BACH2: variants seen among roughly 807,000 people sequenced by gnomAD.
BACH2 encodes BACH transcriptional regulator 2, also known as transcription regulator protein BACH2.
BACH2 carries 5 observed loss-of-function variants against 61.8 expected under a neutral mutation model. That is an observed-to-expected ratio of 0.08 (90% confidence interval 0.04 to 0.17). The LOEUF is 0.17. Among genes scored for constraint, BACH2 ranks in the 10% least tolerant of loss-of-function variants. BACH2 has a pLI of 1.00. For missense variants in BACH2, 824 were observed against 1,091.1 expected (o/e 0.76, Z 3.45); for synonymous variants, 446 against 440.1 (o/e 1.01, Z -0.17).
chr6:90,005,659 G>A (rs912666283), intron 6 of BACH2, among the ~76,000 whole-genome samples: 1 of 152,150 alleles, frequency 6.6e-6, no homozygotes, highest in African/African-American at 2.4e-5. Context: ...CAGAGGGGGA[G>A]GGCTCTTCAA....
chr6:90,152,271 T>G (rs1221216044), intron 4 of BACH2, among the ~76,000 whole-genome samples: 2 of 152,256 alleles, frequency 1.3e-5, no homozygotes, highest in Non-Finnish European at 2.9e-5. Context: ...AGTGCTACAC[T>G]GGCTGCATGC....
chr6:90,066,697 T>C, intron 5 of BACH2, among the ~76,000 whole-genome samples: 1 of 152,318 alleles, frequency 6.6e-6, no homozygotes, highest in East Asian at 1.9e-4. Context: ...TATTAAGTCA[T>C]GTGTTCTGAG....
intron 3 of BACH2, among the ~76,000 whole-genome samples, chr6:90,238,406 T>A (rs1770329296): frequency 6.6e-6 from 1 of 152,240 alleles, no homozygotes; most frequent in Non-Finnish European, 1.5e-5. Flanking sequence ...TCTTAGAGTA[T>A]TTGCATATAC....
At chr6:90,147,437 C>G (rs1436455981) in intron 4 of BACH2, among the ~76,000 whole-genome samples, 2 of 152,196 alleles carry the variant, frequency 1.3e-5, no homozygotes, top group Non-Finnish European at 2.9e-5. Flanking sequence ...TTCCCACATG[C>G]TGCCGTAACA....
intron 6 of BACH2, among the ~76,000 whole-genome samples, chr6:89,974,566 T>C (rs1056989046): frequency 6.6e-6 from 1 of 152,238 alleles, no homozygotes; most frequent in Admixed American, 6.5e-5. Context: ...CCATGCATCA[T>C]GCTGTGTTAG....
intron 4 of BACH2, among the ~76,000 whole-genome samples, chr6:90,099,271 C>T (rs973224015): frequency 2.6e-5 from 4 of 152,188 alleles, no homozygotes; most frequent in African/African-American, 9.7e-5. Flanking sequence ...AGCCTAAAGT[C>T]AGAGAGACCC....
At chr6:89,997,894 T>C (rs1260402593) in intron 6 of BACH2, among the ~76,000 whole-genome samples, 2 of 152,216 alleles carry the variant, frequency 1.3e-5, no homozygotes, top group Admixed American at 1.3e-4. Context: ...CCAGGAATGA[T>C]GTCATCTATG....
chr6:90,146,384 C>T (rs1181278757), intron 4 of BACH2, among the ~76,000 whole-genome samples: 1 of 152,244 alleles, frequency 6.6e-6, no homozygotes, highest in African/African-American at 2.4e-5. Context: ...TCTGTGTATT[C>T]ATCCTTGTTT....
chr6:90,002,466 A>G (rs572641098), intron 6 of BACH2, among the ~76,000 whole-genome samples: 2 of 152,254 alleles, frequency 1.3e-5, no homozygotes, highest in Admixed American at 6.5e-5. Flanking sequence ...AGGCATCTCA[A>G]ACTTAATATA....
intron 5 of BACH2, among the ~76,000 whole-genome samples, chr6:90,033,368 AAAG>A (rs1390025385): frequency 1.3e-5 from 2 of 151,866 alleles, no homozygotes; most frequent in African/African-American, 2.4e-5. Flanking sequence ...AAAAAAAAAA[AAAG>A]AAAATCAGAC....
chr6:90,124,168 G>A (rs1037512552), intron 4 of BACH2, among the ~76,000 whole-genome samples: 1 of 152,078 alleles, frequency 6.6e-6, no homozygotes, highest in African/African-American at 2.4e-5. Flanking sequence ...GCTCCCTCCC[G>A]CTTTCAGTGT....
At chr6:90,153,022 G>T (rs778985847) in intron 4 of BACH2, among the ~76,000 whole-genome samples, 17 of 152,170 alleles carry the variant, frequency 1.1e-4, no homozygotes, top group Middle Eastern at 6.3e-3. Context: ...AAGCACCAGA[G>T]TAGATGAATG....
intron 6 of BACH2, among the ~76,000 whole-genome samples, chr6:89,956,451 C>G (rs1227797865): frequency 6.6e-6 from 1 of 152,188 alleles, no homozygotes; most frequent in Non-Finnish European, 1.5e-5. Context: ...AGTCAACATG[C>G]TGACAATGTG....
chr6:90,295,619 G>C (rs1387935282), intron 1 of BACH2, among the ~76,000 whole-genome samples: 1 of 151,844 alleles, frequency 6.6e-6, no homozygotes, highest in Admixed American at 6.6e-5. Context: ...CAGTCTCCTG[G>C]GTGAAGCTTC....
chr6:90,129,384 C>A (rs1311760715), intron 4 of BACH2, among the ~76,000 whole-genome samples: 2 of 151,990 alleles, frequency 1.3e-5, no homozygotes, highest in African/African-American at 2.4e-5. Context: ...AGGTTTGTTA[C>A]ACAGGTGTAC....
At chr6:89,957,471 C>T (rs1469540625) in intron 6 of BACH2, among the ~76,000 whole-genome samples, 1 of 152,088 alleles carries the variant, frequency 6.6e-6, no homozygotes, top group Non-Finnish European at 1.5e-5. Flanking sequence ...CTCAAGGGAT[C>T]CTCCTGCCTC....
At chr6:90,104,675 C>T (rs1398246636) in intron 4 of BACH2, among the ~76,000 whole-genome samples, 2 of 152,188 alleles carry the variant, frequency 1.3e-5, no homozygotes, top group East Asian at 1.9e-4. Context: ...CCCTTTCCCT[C>T]GGTCCTTCCT....
rs190557363 is a variant in BACH2, at chr6:90,232,731, T to A, written c.-275+19782A>T. On this transcript the variant is annotated intron_variant, in intron 3 of 8. Transcript: ENST00000257749. ...TTCTGCTAGAATTTTAAGAGAACTT[T>A]TAAGTTTTGAAAATTGATTCCCATG... Among the ~76,000 whole-genome samples the A allele has an allele frequency of 2.6e-5, 4 of 152,304 alleles. No individual in the cohort carries two copies. In the East Asian group the frequency reaches 7.7e-4, roughly 29 times the overall value.
rs565524248 is a variant in BACH2, at chr6:90,246,979, C to T, written c.-275+5534G>A. ...CATGAAAAACATACTTGTAAATTTA[C>T]GATACTTGTTACGAATCAAGTTTTT... On this transcript the variant is annotated intron_variant, in intron 3 of 8. Transcript: ENST00000257749. 2.7e-4 allele frequency among the ~76,000 whole-genome samples: 41 copies of T among 151,982 alleles called. No individual in the cohort carries two copies. The South Asian group carries it at 7.5e-3, about 28-fold the overall frequency.
Sources: gnomAD v4.1 joint callset for allele counts (sites outside exome capture counted in the v4.1 genomes callset) on GRCh38, gnomAD v4.1.1 for gene constraint, MANE v1.5 for transcripts, NCBI Gene and HGNC (gene_info 2026-07-23, HGNC 2026-07-21) for gene names.